Variants in KCNK18 observed in about 807,000 individuals in gnomAD.
KCNK18 encodes the protein potassium channel subfamily K member 18.
In KCNK18, 8 loss-of-function variants were observed where a neutral mutation model predicts 11.8. The observed-to-expected ratio is 0.68, with a 90% CI of 0.40 to 1.22. The LOEUF is 1.22. Among genes scored for constraint, KCNK18 ranks in the 50% most tolerant of loss-of-function variants. The probability of loss-of-function intolerance (pLI) is 0.01; values close to 1 mark genes in which losing one functional copy is unlikely to be tolerated. For synonymous variants in KCNK18, 208 were observed against 185.8 expected, an observed-to-expected ratio of 1.12 and a Z score of -0.97; for missense variants, 442 against 465.4, an observed-to-expected ratio of 0.95 and a Z score of 0.46.
intron 1 of KCNK18, among the ~76,000 whole-genome samples, chr10:117,198,048 G>A (rs1425892214): frequency 3.3e-5 from 5 of 152,160 alleles, no homozygotes; most frequent in Non-Finnish European, 5.9e-5. Flanking sequence ...TGGGAATTTG[G>A]TGGGGTGGGG....
chr10:117,208,661 A>G (rs1045254948), intron 2 of KCNK18, among the ~76,000 whole-genome samples: 8 of 152,032 alleles, frequency 5.3e-5, no homozygotes, highest in African/African-American at 1.9e-4. Flanking sequence ...AACACTGTGC[A>G]CACTGCTGAG....
chr10:117,202,462 G>A (rs1003781760), intron 2 of KCNK18, among the ~76,000 whole-genome samples: 1 of 152,234 alleles, frequency 6.6e-6, no homozygotes, highest in Non-Finnish European at 1.5e-5. Flanking sequence ...TGCAGGTCAT[G>A]CCCAGTGCCC....
At chr10:117,200,968 G>C (rs1417285457) in intron 1 of KCNK18, among the ~76,000 whole-genome samples, 191 bp from the exon 2 acceptor site, 4 of 152,174 alleles carry the variant, frequency 2.6e-5, no homozygotes. Flanking sequence ...ATCTCCATAG[G>C]GACTGAAGGC....
chr10:117,201,278 A>G lies in KCNK18; in HGVS notation c.343A>G (p.Ser115Gly). The G allele has an allele frequency of 6.2e-7, 1 of 1,613,438 alleles. No individual in the cohort carries two copies. Among genetic ancestry groups the G allele is most frequent in the Non-Finnish European group, 8.5e-7 (1 of 1,180,006 alleles). Reference protein sequence around the residue: ...SSLFFCCTVFSTVGYGYIYPV... With the variant: ...SSLFFCCTVFGTVGYGYIYPV... Reference sequence around the variant, plus strand: ...GCTCTTTTTCTGCTGCACGGTGTTCAGCACCGTGGGTAAGTGCAAAGCCAC... The same window carrying G: ...GCTCTTTTTCTGCTGCACGGTGTTCGGCACCGTGGGTAAGTGCAAAGCCAC... The change falls in exon 2 of 3, where the codon AGC (serine) becomes GGC (glycine). Residue 115 changes from serine (S) to glycine (G), a missense_variant. Coordinates refer to ENST00000334549, the MANE Select transcript of KCNK18 (RefSeq NM_181840.1).
rs1188953035 is a variant in KCNK18, at chr10:117,198,118, G to A, written c.223+407G>A. Among the ~76,000 whole-genome samples the A allele has an allele frequency of 2.6e-5, 4 of 152,298 alleles. No individual in the cohort carries two copies. In the South Asian group the frequency reaches 6.2e-4, roughly 24 times the overall value. On this transcript the variant is annotated intron_variant, in intron 1 of 2. Coordinates refer to ENST00000334549, the MANE Select transcript of KCNK18 (RefSeq NM_181840.1). ...GGGCTAGCTTGCTTTTCAGAACTAT[G>A]TCTGCCTGACCCAGGATTCAGTTTG...
intron 2 of KCNK18, among the ~76,000 whole-genome samples, chr10:117,204,144 C>T (rs1855048309): frequency 6.6e-6 from 1 of 152,000 alleles, no homozygotes; most frequent in African/African-American, 2.4e-5. Flanking sequence ...CACCTGTAGT[C>T]CCTGCTACTC....
chr10:117,203,838 T>C (rs1487854183), intron 2 of KCNK18, among the ~76,000 whole-genome samples: 5 of 152,202 alleles, frequency 3.3e-5, no homozygotes, highest in African/African-American at 1.2e-4. Context: ...CACCCGGCCA[T>C]GCCTGGCTAA....
intron 2 of KCNK18, among the ~76,000 whole-genome samples, chr10:117,203,019 G>A (rs191075023): frequency 2.1e-4 from 32 of 150,236 alleles, no homozygotes; most frequent in Non-Finnish European, 4.3e-4. Context: ...GGGATTACAG[G>A]CATGTACCAC....
chr10:117,198,598 G>A (rs17095818), intron 1 of KCNK18, among the ~76,000 whole-genome samples: 10,194 of 151,652 alleles, frequency 0.067, 555 homozygotes, highest in Admixed American at 0.16. Flanking sequence ...TAAAACAAGG[G>A]AGAGTAGATA....
At chr10:117,201,589 G>A (rs17095831) in intron 2 of KCNK18, among the ~76,000 whole-genome samples, 10,160 of 152,222 alleles carry the variant, frequency 0.067, 551 homozygotes, top group Admixed American at 0.16. Context: ...TCAAAAAGTC[G>A]CACAGTTCAT....
At position 117,197,560 on chromosome 10, in the gene KCNK18, C is replaced by A; in HGVS notation, c.72C>A (p.Leu24=). ...PEALGKLFPG[L]CFLCFLVTYA... ...CCCTGGGAAAGCTCTTCCCTGGCCT[C>A]TGCTTCCTCTGCTTTCTGGTGACCT... is the stretch of plus-strand genomic sequence containing the variant. Residue 24 remains leucine, a synonymous_variant, in exon 1 of 3, where the codon CTC becomes CTA. Coordinates refer to ENST00000334549, the MANE Select transcript of KCNK18 (RefSeq NM_181840.1). The A allele has an allele frequency of 6.2e-7, 1 of 1,614,250 alleles. No individual in the cohort carries two copies. Among genetic ancestry groups the A allele is most frequent in the Non-Finnish European group, 8.5e-7 (1 of 1,180,048 alleles).
chr10:117,205,731 T>G (rs1223344012), intron 2 of KCNK18, among the ~76,000 whole-genome samples: 2 of 152,130 alleles, frequency 1.3e-5, no homozygotes, highest in African/African-American at 4.8e-5. Flanking sequence ...TTACTGTCTG[T>G]GATGCAGTCA....
chr10:117,209,777 C>T lies in KCNK18; in HGVS notation c.633C>T (p.Gly211=). The change falls in exon 3 of 3, where the codon GGC becomes GGT. Residue 211 remains glycine, a synonymous_variant. Transcript: ENST00000334549. ...TCATCAGTGCTGAAGAGCTTCCAGG[C>T]CCCAAACTTGGCACATGTCCTTCAC... The part of the protein sequence containing the change: ...QIIISAEELP[G]PKLGTCPSRP... 4 of 1,614,162 alleles carry T rather than the reference C, an allele frequency of 2.5e-6. No homozygotes were observed. The highest frequency in any genetic ancestry group is 3.4e-6 in the Non-Finnish European group (4 of 1,180,038).
At chr10:117,203,027 C>A (rs1855033575) in intron 2 of KCNK18, among the ~76,000 whole-genome samples, 1 of 151,652 alleles carries the variant, frequency 6.6e-6, no homozygotes, top group African/African-American at 2.4e-5. Context: ...AGGCATGTAC[C>A]ACCACGCTTG....
At chr10:117,201,076 G>A (rs567750704) in intron 1 of KCNK18, 83 bp from the exon 2 acceptor site, 4 of 1,549,238 alleles carry the variant, frequency 2.6e-6, no homozygotes, top group Non-Finnish European at 3.6e-6. Context: ...GGTCCTTGGG[G>A]AAGACTATCC....
intron 1 of KCNK18, among the ~76,000 whole-genome samples, chr10:117,198,168 C>T (rs1338126580): frequency 1.3e-5 from 2 of 152,162 alleles, no homozygotes; most frequent in African/African-American, 4.8e-5. Context: ...TAGGGAACAA[C>T]CCAAATTGGA....
chr10:117,198,580 G>A (rs1384867653), intron 1 of KCNK18, among the ~76,000 whole-genome samples: 18 of 152,160 alleles, frequency 1.2e-4, no homozygotes, highest in Non-Finnish European at 2.9e-5. Flanking sequence ...GTATTCAACA[G>A]AGCAAGATAA....
rs363360 is a variant in KCNK18, at chr10:117,209,842, C to T, written c.698C>T (p.Ala233Val). The T allele has an allele frequency of 5.4e-3, 8,778 of 1,614,096 alleles. 419 individuals are homozygous for T. In the African/African-American group the frequency reaches 0.1, roughly 19 times the overall value. The change falls in exon 3 of 3, where the codon GCG becomes GTG. Residue 233 changes from alanine to valine, a missense_variant. Coordinates refer to ENST00000334549, the MANE Select transcript of KCNK18 (RefSeq NM_181840.1). ...CSMELFERSH[A>V]LEKQNTLQLP... ...ATGGAGCTGTTTGAGAGATCTCATG[C>T]GCTAGAGAAACAGAACACACTGCAA...
intron 2 of KCNK18, 133 bp from the exon 3 acceptor site, chr10:117,209,364 G>A: frequency 1.2e-6 from 1 of 829,996 alleles, no homozygotes; most frequent in Non-Finnish European, 2.1e-6. Context: ...AATGCTTTGA[G>A]ATGAGTATTT....
Sources: gnomAD v4.1 joint callset for allele counts (sites outside exome capture counted in the v4.1 genomes callset) on GRCh38, gnomAD v4.1.1 for gene constraint, MANE v1.5 for transcripts, NCBI Gene and HGNC (gene_info 2026-07-23, HGNC 2026-07-21) for gene names.